The following WWOX variants were observed in gnomAD, a reference collection of about 807,000 sequenced individuals.
WWOX encodes WW domain containing oxidoreductase, also known as WW domain-containing oxidoreductase.
In WWOX, 69 loss-of-function variants were observed where a neutral mutation model predicts 46.2. That is an observed-to-expected ratio of 1.49 (90% CI 1.23 to 1.82). The LOEUF (loss-of-function observed/expected upper bound fraction) is 1.82, where lower values mean the gene tolerates loss of function less well. Ranked by LOEUF, WWOX falls within the 40% of genes most tolerant of loss-of-function variation. The pLI is 0.00. For synonymous variants in WWOX, 359 were observed against 202.6 expected (o/e 1.77, Z -6.56); for missense variants, 919 against 542.6 (o/e 1.69, Z -6.89).
At chr16:79,189,799 A>G (rs1273943223) in intron 8 of WWOX, among the ~76,000 whole-genome samples, 1 of 149,066 alleles carries the variant, frequency 6.7e-6, no homozygotes, top group African/African-American at 2.5e-5. Context: ...TCCCGGTGGG[A>G]GGGGGGGGAT....
At chr16:78,540,627 C>G (rs2043868916) in intron 8 of WWOX, among the ~76,000 whole-genome samples, 2 of 151,938 alleles carry the variant, frequency 1.3e-5, no homozygotes, top group African/African-American at 2.4e-5. Context: ...CTTGTTAGCT[C>G]CTACCTGAGC....
intron 8 of WWOX, among the ~76,000 whole-genome samples, chr16:79,166,864 G>C (rs1411239105): frequency 6.6e-6 from 1 of 152,150 alleles, no homozygotes; most frequent in African/African-American, 2.4e-5. Context: ...TAATTCTTTA[G>C]TGAACTTGCT....
At chr16:78,324,417 CT>C (rs2080563061) in intron 5 of WWOX, among the ~76,000 whole-genome samples, 1 of 152,042 alleles carries the variant, frequency 6.6e-6, no homozygotes, top group Non-Finnish European at 1.5e-5. Flanking sequence ...CCCATATGAC[CT>C]AGCAATTCCA....
At chr16:78,965,436 G>C (rs1380389461) in intron 8 of WWOX, among the ~76,000 whole-genome samples, 3 of 152,070 alleles carry the variant, frequency 2.0e-5, no homozygotes, top group Non-Finnish European at 1.5e-5. Context: ...TGGGCATGGT[G>C]GCAGGCACTT....
chr16:78,887,426 G>C (rs1031104069), intron 8 of WWOX, among the ~76,000 whole-genome samples: 2 of 148,870 alleles, frequency 1.3e-5, no homozygotes, highest in African/African-American at 5.0e-5. Flanking sequence ...CACAAATTAT[G>C]AAAGTAAGGT....
chr16:78,274,698 C>A (rs974564252), intron 5 of WWOX, among the ~76,000 whole-genome samples: 5 of 152,210 alleles, frequency 3.3e-5, no homozygotes, highest in Admixed American at 6.5e-5. Flanking sequence ...CACATCCTTC[C>A]TGGACATGTT....
At chr16:78,455,462 G>A (rs1219954097) in intron 8 of WWOX, among the ~76,000 whole-genome samples, 1 of 151,806 alleles carries the variant, frequency 6.6e-6, no homozygotes, top group African/African-American at 2.4e-5. Context: ...CCAAAATGGT[G>A]AAATGCCATC....
chr16:79,189,911 T>G (rs1597459947), intron 8 of WWOX, among the ~76,000 whole-genome samples: 2 of 128,900 alleles, frequency 1.6e-5, no homozygotes, highest in African/African-American at 2.8e-5. Context: ...TAGTTTTAGG[T>G]GACAGCTGGT....
At chr16:78,415,050 T>G (rs2082767382) in intron 6 of WWOX, among the ~76,000 whole-genome samples, 1 of 149,268 alleles carries the variant, frequency 6.7e-6, no homozygotes, top group South Asian at 2.1e-4. Flanking sequence ...TATAGTTAAT[T>G]ATTGATTAGC....
At chr16:78,960,643 C>A (rs1008878472) in intron 8 of WWOX, among the ~76,000 whole-genome samples, 1 of 152,200 alleles carries the variant, frequency 6.6e-6, no homozygotes, top group African/African-American at 2.4e-5. Flanking sequence ...AAGGTTCTCA[C>A]AGTCTGGAGG....
intron 8 of WWOX, among the ~76,000 whole-genome samples, chr16:78,851,055 G>T (rs1266561274): frequency 6.6e-5 from 10 of 152,130 alleles, no homozygotes; most frequent in Admixed American, 3.9e-4. Flanking sequence ...TTTGAAAGAG[G>T]GTAGGTGTGG....
At chr16:79,008,714 C>A (rs2047240348) in intron 8 of WWOX, among the ~76,000 whole-genome samples, 1 of 152,214 alleles carries the variant, frequency 6.6e-6, no homozygotes, top group African/African-American at 2.4e-5. Context: ...CAGCACCTGG[C>A]CTTCACCTGA....
chr16:78,589,512 G>A (rs1273940604), intron 8 of WWOX, among the ~76,000 whole-genome samples: 1 of 152,156 alleles, frequency 6.6e-6, no homozygotes, highest in Non-Finnish European at 1.5e-5. Flanking sequence ...CCCTGCCCAT[G>A]GCACTCAAGA....
At chr16:78,227,275 C>G (rs1567441130) in intron 5 of WWOX, among the ~76,000 whole-genome samples, 1 of 152,172 alleles carries the variant, frequency 6.6e-6, no homozygotes, top group Non-Finnish European at 1.5e-5. Context: ...AATGACTTTT[C>G]ACATAAATTT....
intron 8 of WWOX, among the ~76,000 whole-genome samples, chr16:78,871,740 C>T (rs980882297): frequency 6.6e-6 from 1 of 152,166 alleles, no homozygotes; most frequent in Non-Finnish European, 1.5e-5. Context: ...GCTGGGACTA[C>T]AGGCAGGCAC....
chr16:79,172,491 A>G (rs527308830), intron 8 of WWOX, among the ~76,000 whole-genome samples: 2 of 152,222 alleles, frequency 1.3e-5, no homozygotes, highest in African/African-American at 2.4e-5. Flanking sequence ...TGTCTGGCTC[A>G]GAGTAGGCCC....
chr16:79,208,191 A>C (rs1343081647), intron 8 of WWOX, among the ~76,000 whole-genome samples: 2 of 152,230 alleles, frequency 1.3e-5, no homozygotes, highest in Non-Finnish European at 2.9e-5. Context: ...GGCAGCTCAC[A>C]AATGTTTGAC....
chr16:78,232,778 G>A (rs1441587568), intron 5 of WWOX, among the ~76,000 whole-genome samples: 1 of 152,002 alleles, frequency 6.6e-6, no homozygotes, highest in African/African-American at 2.4e-5. Context: ...GATTCTTACT[G>A]GTCTATTATT....
intron 8 of WWOX, among the ~76,000 whole-genome samples, chr16:78,998,288 C>T (rs1384286193): frequency 6.6e-6 from 1 of 152,212 alleles, no homozygotes; most frequent in African/African-American, 2.4e-5. Context: ...TCTCTCTGAT[C>T]TAAGGTGTTG....
Sources: allele counts gnomAD v4.1 joint callset (sites outside exome capture counted in the v4.1 genomes callset), GRCh38; gene constraint gnomAD v4.1.1; transcripts MANE v1.5; gene names NCBI Gene and HGNC (gene_info 2026-07-23, HGNC 2026-07-21).